GRM8: variants seen among roughly 807,000 people sequenced by gnomAD.
GRM8 encodes the protein metabotropic glutamate receptor 8.
Under a neutral mutation model 87.2 loss-of-function variants are expected in GRM8, and 47 were observed. The ratio of observed to expected loss-of-function variants is 0.54; its 90% CI spans 0.43 to 0.69. GRM8 has a LOEUF of 0.69. Ranked by LOEUF, GRM8 falls within the 30% of genes least tolerant of loss-of-function variation. The probability of loss-of-function intolerance (pLI) is 0.00; values close to 1 mark genes in which losing one functional copy is unlikely to be tolerated. For missense variants in GRM8, 1,019 were observed against 1,139.2 expected, an observed-to-expected ratio of 0.89 and a Z score of 1.52; for synonymous variants, 396 against 404.5, an observed-to-expected ratio of 0.98 and a Z score of 0.25.
intron 9 of GRM8, among the ~76,000 whole-genome samples, chr7:126,508,396 G>A (rs1157166737): frequency 6.6e-6 from 1 of 151,866 alleles, no homozygotes; most frequent in African/African-American, 2.4e-5. Context: ...AAAAGAGAGA[G>A]CCCATTCCTA....
intron 3 of GRM8, among the ~76,000 whole-genome samples, chr7:127,074,775 T>G (rs1822089073): frequency 6.6e-6 from 1 of 152,164 alleles, no homozygotes; most frequent in African/African-American, 2.4e-5. Context: ...ACTGATAATA[T>G]CTCTTGCTGG....
chr7:126,673,816 A>G (rs1488785069), intron 7 of GRM8, among the ~76,000 whole-genome samples: 1 of 152,214 alleles, frequency 6.6e-6, no homozygotes, highest in Non-Finnish European at 1.5e-5. Context: ...GAGGTAGACT[A>G]TATGACCTCT....
chr7:126,618,670 C>G (rs1242863621), intron 7 of GRM8, among the ~76,000 whole-genome samples: 1 of 152,018 alleles, frequency 6.6e-6, no homozygotes, highest in East Asian at 1.9e-4. Context: ...AGAACTCAAA[C>G]AAATTTACAA....
intron 7 of GRM8, among the ~76,000 whole-genome samples, chr7:126,668,512 G>C (rs917398732): frequency 6.6e-6 from 1 of 151,828 alleles, no homozygotes; most frequent in South Asian, 2.1e-4. Context: ...GTGAGCAGCA[G>C]CTCCCCACCG....
At chr7:126,802,590 T>G (rs1822840054) in intron 6 of GRM8, among the ~76,000 whole-genome samples, 1 of 152,194 alleles carries the variant, frequency 6.6e-6, no homozygotes, top group Non-Finnish European at 1.5e-5. Flanking sequence ...TGAAGGGCAT[T>G]TTGATAAGTG....
chr7:126,655,471 T>TTCTCTTTCTC (rs1804412725), intron 7 of GRM8, among the ~76,000 whole-genome samples: 2 of 150,420 alleles, frequency 1.3e-5, no homozygotes, highest in South Asian at 4.2e-4. Context: ...ATTATGGTCT[T>TTCTCTTTCTC]TCTCTCTCTC....
At chr7:127,010,355 A>G (rs902915228) in intron 3 of GRM8, among the ~76,000 whole-genome samples, 1 of 152,174 alleles carries the variant, frequency 6.6e-6, no homozygotes. Flanking sequence ...TTCTCTTTAA[A>G]TGAATTTAGA....
At chr7:126,635,587 C>T (rs1464208579) in intron 7 of GRM8, among the ~76,000 whole-genome samples, 1 of 152,032 alleles carries the variant, frequency 6.6e-6, no homozygotes, top group Admixed American at 6.6e-5. Flanking sequence ...TTTTACACCA[C>T]ATGCTCTGAG....
At chr7:126,499,918 C>CTA (rs79473666) in intron 9 of GRM8, among the ~76,000 whole-genome samples, 125,341 of 151,642 alleles carry the variant, frequency 0.83, 52,209 homozygotes, top group African/African-American at 0.94. Context: ...TATACAATTA[C>CTA]TTTGTTAATT....
intron 5 of GRM8, among the ~76,000 whole-genome samples, 199 bp downstream of exon 5, chr7:126,903,773 G>A (rs1586395028): frequency 8.4e-5 from 10 of 118,362 alleles, no homozygotes; most frequent in African/African-American, 3.7e-4. Context: ...ATATGTGTGT[G>A]TGTATATATA....
intron 3 of GRM8, chr7:127,084,625 G>A (rs553226761): frequency 6.6e-6 from 1 of 152,150 alleles, no homozygotes; most frequent in South Asian, 2.1e-4. Flanking sequence ...GCACAATTGT[G>A]TCACATCTAC....
intron 6 of GRM8, among the ~76,000 whole-genome samples, chr7:126,793,756 G>A (rs577279226): frequency 2.0e-5 from 3 of 152,300 alleles, no homozygotes; most frequent in Non-Finnish European, 2.9e-5. Context: ...TAATTGTTCA[G>A]TTTTGCTAAA....
chr7:127,250,290 T>C (rs1050826011), intron 1 of GRM8, among the ~76,000 whole-genome samples: 2 of 152,354 alleles, frequency 1.3e-5, no homozygotes, highest in East Asian at 3.9e-4. Flanking sequence ...AGCTCAGCTC[T>C]TCCTTTTCTC....
intron 3 of GRM8, among the ~76,000 whole-genome samples, chr7:127,066,069 CA>C (rs918152060): frequency 1.2e-4 from 19 of 152,084 alleles, no homozygotes; most frequent in African/African-American, 3.6e-4. Flanking sequence ...ACTTTTTTCC[CA>C]CAGTGATTCA....
intron 2 of GRM8, among the ~76,000 whole-genome samples, chr7:127,158,365 A>C (rs559415518): frequency 5.9e-5 from 9 of 152,310 alleles, no homozygotes; most frequent in African/African-American, 1.9e-4. Flanking sequence ...CTCTCTTGTC[A>C]GTGGAGACAG....
At chr7:127,130,922 C>T (rs966156352) in intron 2 of GRM8, among the ~76,000 whole-genome samples, 1 of 152,124 alleles carries the variant, frequency 6.6e-6, no homozygotes, top group African/African-American at 2.4e-5. Flanking sequence ...TACAGCCATG[C>T]AGAACTGTGA....
At chr7:126,728,529 G>T (rs1391337335) in intron 7 of GRM8, among the ~76,000 whole-genome samples, 1 of 152,116 alleles carries the variant, frequency 6.6e-6, no homozygotes, top group African/African-American at 2.4e-5. Context: ...AAGGAGCAGA[G>T]AAAGAATCTC....
At chr7:126,465,884 G>T (rs1279323839) in intron 9 of GRM8, among the ~76,000 whole-genome samples, 1 of 151,700 alleles carries the variant, frequency 6.6e-6, no homozygotes, top group Non-Finnish European at 1.5e-5. Context: ...AGGCATCTTT[G>T]CTTTTTTCCC....
intron 7 of GRM8, among the ~76,000 whole-genome samples, chr7:126,740,809 T>A (rs189360177): frequency 3.0e-4 from 46 of 152,276 alleles, no homozygotes; most frequent in South Asian, 1.9e-3. Flanking sequence ...TAACCTGCCA[T>A]AATAAGTAGT....
Sources: gnomAD v4.1 joint callset for allele counts (sites outside exome capture counted in the v4.1 genomes callset) on GRCh38, gnomAD v4.1.1 for gene constraint, MANE v1.5 for transcripts, NCBI Gene and HGNC (gene_info 2026-07-23, HGNC 2026-07-21) for gene names.